Variants in RARB observed in about 807,000 individuals in gnomAD.
RARB encodes HBV-activated protein.
A neutral mutation model predicts 51.9 loss-of-function variants in RARB; 17 were observed. That is an observed-to-expected ratio of 0.33 (90% CI 0.22 to 0.49). The LOEUF (loss-of-function observed/expected upper bound fraction) is 0.49. Ranked by LOEUF, RARB falls within the 20% of genes least tolerant of loss-of-function variation. RARB has a pLI of 0.99. For missense variants in RARB, 369 were observed against 550.8 expected (o/e 0.67, Z 3.30); for synonymous variants, 215 against 195.4 (o/e 1.10, Z -0.84).
At chr3:24,948,998 C>T (rs542768604) in intron 2 of RARB, among the ~76,000 whole-genome samples, 1 of 152,254 alleles carries the variant, frequency 6.6e-6, no homozygotes, top group African/African-American at 2.4e-5. Flanking sequence ...AAATGAACTG[C>T]TGTAATGAAC....
At chr3:24,947,388 TG>T (rs2125403770) in intron 2 of RARB, among the ~76,000 whole-genome samples, 1 of 152,314 alleles carries the variant, frequency 6.6e-6, no homozygotes, top group South Asian at 2.1e-4. Flanking sequence ...ATCAGGACAT[TG>T]GAAAAGGTAA....
intron 2 of RARB, among the ~76,000 whole-genome samples, chr3:24,941,374 C>T (rs1575082588): frequency 6.9e-6 from 1 of 145,900 alleles, no homozygotes; most frequent in African/African-American, 2.5e-5. Flanking sequence ...AAAAGGCAGT[C>T]TTTTTTTTTT....
At position 25,579,340 on chromosome 3, in the gene RARB, G is replaced by C. The variant is rs543709639; in HGVS notation, c.610-1206G>C. ...GATGTAGAATATTTCCATTGCTCCA[G>C]AGAGTTTCCTTGTGCACCTGTGGTC... On this transcript the variant is annotated intron_variant, in intron 4 of 7. Coordinates refer to ENST00000330688, the MANE Select transcript of RARB (RefSeq NM_000965.5). 6.6e-5 allele frequency among the ~76,000 whole-genome samples: 10 copies of C among 152,304 alleles called. No homozygotes were observed. The South Asian group carries it at 8.3e-4, about 13-fold the overall frequency.
At chr3:25,246,675 G>A (rs1263614091) in intron 5 of RARB, among the ~76,000 whole-genome samples, 2 of 152,102 alleles carry the variant, frequency 1.3e-5, no homozygotes, top group East Asian at 1.9e-4. Flanking sequence ...ATATTGCTGT[G>A]TGCTCCTCCC....
intron 4 of RARB, among the ~76,000 whole-genome samples, chr3:25,149,269 T>A (rs941639490): frequency 6.6e-6 from 1 of 152,234 alleles, no homozygotes; most frequent in African/African-American, 2.4e-5. Context: ...ATGCTTCTAT[T>A]TGACAATCGA....
chr3:25,569,731 C>A, intron 3 of RARB, 27 bp from the exon 4 acceptor site: 4 of 1,607,282 alleles, frequency 2.5e-6, no homozygotes, highest in Non-Finnish European at 1.7e-6. Flanking sequence ...TCAGCGACCC[C>A]TGATGTGCCT....
intron 2 of RARB, among the ~76,000 whole-genome samples, chr3:25,473,389 G>A (rs1430326613): frequency 6.6e-6 from 1 of 152,060 alleles, no homozygotes; most frequent in Non-Finnish European, 1.5e-5. Context: ...AAGGGGAAAA[G>A]CTGGGGTTCT....
At chr3:25,273,041 C>T (rs1703290375) in intron 5 of RARB, among the ~76,000 whole-genome samples, 1 of 152,078 alleles carries the variant, frequency 6.6e-6, no homozygotes, top group African/African-American at 2.4e-5. Flanking sequence ...TTTTACATTC[C>T]CCATAAGCTG....
At chr3:25,080,624 A>G (rs1163830674) in intron 3 of RARB, among the ~76,000 whole-genome samples, 2 of 152,130 alleles carry the variant, frequency 1.3e-5, no homozygotes, top group African/African-American at 2.4e-5. Flanking sequence ...GTGTGATGCT[A>G]TAGATCATTG....
At chr3:24,860,833 A>G (rs1005210939) in intron 2 of RARB, among the ~76,000 whole-genome samples, 4 of 152,184 alleles carry the variant, frequency 2.6e-5, no homozygotes, top group Admixed American at 1.3e-4. Context: ...ACTTTCTAAA[A>G]AGAGGAATTG....
chr3:25,470,490 G>C (rs753562781), intron 2 of RARB, among the ~76,000 whole-genome samples: 3 of 152,122 alleles, frequency 2.0e-5, no homozygotes, highest in Non-Finnish European at 2.9e-5. Context: ...TTTTATAGAT[G>C]TGTAAGCATT....
chr3:25,508,721 T>G (rs571666138), intron 3 of RARB, among the ~76,000 whole-genome samples: 79 of 152,140 alleles, frequency 5.2e-4, no homozygotes, highest in Admixed American at 1.4e-3. Flanking sequence ...ACCCCCACCT[T>G]CTCTTCTTGC....
intron 2 of RARB, among the ~76,000 whole-genome samples, chr3:24,917,467 G>A (rs1353075296): frequency 1.3e-5 from 2 of 152,194 alleles, no homozygotes; most frequent in African/African-American, 2.4e-5. Flanking sequence ...AACTTAATTA[G>A]GTATGGACAA....
intron 2 of RARB, among the ~76,000 whole-genome samples, chr3:24,958,259 T>TGTTTTG (rs1294774936): frequency 6.7e-5 from 5 of 75,096 alleles, no homozygotes; most frequent in Admixed American, 1.2e-4. Flanking sequence ...GCTCAGGTTT[T>TGTTTTG]TTTTTTTTTT....
intron 2 of RARB, among the ~76,000 whole-genome samples, chr3:24,932,593 A>G (rs1262542777): frequency 6.6e-6 from 1 of 152,122 alleles, no homozygotes; most frequent in Non-Finnish European, 1.5e-5. Flanking sequence ...CAGTAAGCTG[A>G]AAGTCTTCTA....
At chr3:25,007,607 A>C (rs957710439) in intron 2 of RARB, among the ~76,000 whole-genome samples, 1 of 148,632 alleles carries the variant, frequency 6.7e-6, no homozygotes, top group Non-Finnish European at 1.5e-5. Context: ...AAAAAAAACA[A>C]AAAAACCTCA....
At chr3:25,215,772 A>G (rs1701820289) in intron 5 of RARB, among the ~76,000 whole-genome samples, 1 of 152,184 alleles carries the variant, frequency 6.6e-6, no homozygotes, top group Non-Finnish European at 1.5e-5. Context: ...TGGAAAAAAT[A>G]AGAGGCCACC....
intron 4 of RARB, among the ~76,000 whole-genome samples, chr3:25,570,605 G>A (rs1156879941): frequency 6.6e-6 from 1 of 152,194 alleles, no homozygotes; most frequent in African/African-American, 2.4e-5. Context: ...TAAAAAGGTA[G>A]GAGGTGTATG....
At chr3:25,544,831 A>T (rs1267266718) in intron 3 of RARB, among the ~76,000 whole-genome samples, 1 of 152,182 alleles carries the variant, frequency 6.6e-6, no homozygotes, top group Non-Finnish European at 1.5e-5. Flanking sequence ...TCAGTTTTTC[A>T]AGCAGTTGCT....
Sources: gnomAD v4.1 joint callset for allele counts (sites outside exome capture counted in the v4.1 genomes callset) on GRCh38, gnomAD v4.1.1 for gene constraint, MANE v1.5 for transcripts, NCBI Gene and HGNC (gene_info 2026-07-23, HGNC 2026-07-21) for gene names.